Variants in LAMA1 observed in about 807,000 individuals in gnomAD.
The protein encoded by LAMA1 is laminin subunit alpha-1.
Under a neutral mutation model 348.7 loss-of-function variants are expected in LAMA1, and 219 were observed. The observed-to-expected ratio is 0.63, with a 90% CI of 0.56 to 0.70. The LOEUF (loss-of-function observed/expected upper bound fraction) is 0.70. Ranked by LOEUF, LAMA1 falls within the 30% of genes least tolerant of loss-of-function variation. The pLI is 0.00. For missense variants in LAMA1, 3,744 were observed against 3,888.0 expected, an observed-to-expected ratio of 0.96 and a Z score of 0.99; for synonymous variants, 1,487 against 1,491.0, an observed-to-expected ratio of 1.00 and a Z score of 0.06.
chr18:6,983,054 A>T, intron 40 of LAMA1, 45 bp downstream of exon 40: 1 of 1,614,012 alleles, frequency 6.2e-7, no homozygotes, highest in Non-Finnish European at 8.5e-7. Context: ...CGGTACAGAA[A>T]AATCTCCCAC....
rs76583475 is a variant in LAMA1, at chr18:7,091,689, G to T, written c.62-11232C>A. On this transcript the variant is annotated intron_variant, in intron 1 of 62. Coordinates refer to ENST00000389658, the MANE Select transcript of LAMA1 (RefSeq NM_005559.4). ...TATGTGACCTGCACAATCACTTTTC[G>T]TTTAGTGCTATGCTGAAACTGTTGA... is the stretch of plus-strand genomic sequence containing the variant. Among the ~76,000 whole-genome samples, 30 of 152,248 alleles carry T rather than the reference G, an allele frequency of 2.0e-4. No individual in the cohort carries two copies. The East Asian group carries it at 5.6e-3, about 28-fold the overall frequency.
chr18:6,969,862 G>A (rs1227819465), intron 48 of LAMA1, among the ~76,000 whole-genome samples: 11 of 152,112 alleles, frequency 7.2e-5, no homozygotes, highest in South Asian at 6.2e-4. Context: ...AAGAAGAGCC[G>A]GAAATCATTC....
intron 41 of LAMA1, 88 bp from the exon 42 acceptor site, chr18:6,980,725 A>G: frequency 4.0e-6 from 3 of 741,532 alleles, no homozygotes; most frequent in Non-Finnish European, 7.3e-6. Flanking sequence ...GACCATCGAC[A>G]GAATTCATAG....
In LAMA1 at chr18:7,019,709, T is replaced by C. The variant is rs1007184939; in HGVS notation, c.2702-2325A>G. Among the ~76,000 whole-genome samples the C allele has an allele frequency of 3.0e-5, 4 of 133,754 alleles. No individual in the cohort carries two copies. The Admixed American group carries it at 3.3e-4, about 11-fold the overall frequency. 87.7% of individuals were successfully genotyped at this position (133,754 alleles called of 152,430 possible). On this transcript the variant is annotated intron_variant, in intron 19 of 62. Coordinates refer to ENST00000389658, the MANE Select transcript of LAMA1 (RefSeq NM_005559.4). ...TTTTTTTTTTTTTTTTGAGACAGGG[T>C]CTCACTCCGTCACCCAGGCTGGAGT...
chr18:7,075,084 C>A (rs1259875301), intron 3 of LAMA1, among the ~76,000 whole-genome samples: 6 of 148,992 alleles, frequency 4.0e-5, no homozygotes. Flanking sequence ...CAGAATGCAG[C>A]TAATTTGGTC....
chr18:6,999,403 G>C, intron 32 of LAMA1, 42 bp downstream of exon 32: 2 of 1,602,728 alleles, frequency 1.2e-6, no homozygotes, highest in Non-Finnish European at 1.7e-6. Flanking sequence ...ACACATTTGG[G>C]AGGAAAAACC....
intron 6 of LAMA1, among the ~76,000 whole-genome samples, chr18:7,045,544 A>C (rs1398385320): frequency 1.3e-5 from 2 of 152,132 alleles, no homozygotes; most frequent in Non-Finnish European, 2.9e-5. Flanking sequence ...AAAAGAGATA[A>C]ACTGTTAAAT....
rs551987415 is a variant in LAMA1 at position 6,983,239 on chromosome 18, C to A, written c.5661-5G>T. ...TTTCTGATGTTTTCAAGGCCACTAT[C>A]AAAGCAGCATATTTAGATACGTTAT... On this transcript the variant is annotated splice_polypyrimidine_tract_variant and splice_region_variant and intron_variant, in intron 39 of 62. Transcript: ENST00000389658. The A allele has an allele frequency of 7.3e-5, 118 of 1,614,132 alleles. 2 individuals carry two copies. The South Asian group carries it at 1.3e-3, about 18-fold the overall frequency.
chr18:7,089,440 T>A (rs2058230967), intron 1 of LAMA1, among the ~76,000 whole-genome samples: 1 of 152,186 alleles, frequency 6.6e-6, no homozygotes, highest in South Asian at 2.1e-4. Context: ...GTGAGGTGAC[T>A]CTGCTAGTGT....
chr18:7,021,276 T>C (rs1014451315), intron 19 of LAMA1, among the ~76,000 whole-genome samples: 1 of 152,152 alleles, frequency 6.6e-6, no homozygotes, highest in African/African-American at 2.4e-5. Context: ...CGCCTTGACC[T>C]TCACAGTCCT....
At chr18:6,955,265 G>T in intron 57 of LAMA1, 88 bp downstream of exon 57, 1 of 1,016,886 alleles carries the variant, frequency 9.8e-7, no homozygotes, top group South Asian at 1.4e-5. Flanking sequence ...ATAAAAGCAG[G>T]TTCTTTTGGA....
chr18:7,056,923 G>C (rs2058084392), intron 3 of LAMA1, among the ~76,000 whole-genome samples: 1 of 151,426 alleles, frequency 6.6e-6, no homozygotes, highest in African/African-American at 2.4e-5. Context: ...CCAGACTGGA[G>C]TGCAGTGGCA....
intron 35 of LAMA1, 97 bp from the exon 36 acceptor site, chr18:6,992,817 T>A: frequency 2.9e-6 from 3 of 1,033,148 alleles, no homozygotes; most frequent in Non-Finnish European, 4.4e-6. Flanking sequence ...ACTGCTCTGT[T>A]TACCTAAGCT....
intron 57 of LAMA1, chr18:6,955,081 T>C (rs937363819): frequency 8.2e-6 from 4 of 484,850 alleles, no homozygotes; most frequent in Non-Finnish European, 1.5e-5. Context: ...TTAATTTAGA[T>C]GCCCACACGC....
intron 1 of LAMA1, among the ~76,000 whole-genome samples, chr18:7,110,737 G>A (rs1473770727): frequency 6.6e-6 from 1 of 152,096 alleles, no homozygotes; most frequent in African/African-American, 2.4e-5. Flanking sequence ...CAGGAGAATC[G>A]CTTGAACTGG....
At chr18:6,985,107 G>A (rs764116004) in intron 39 of LAMA1, 130 bp downstream of exon 39, 12 of 1,091,800 alleles carry the variant, frequency 1.1e-5, no homozygotes, top group Non-Finnish European at 1.7e-5. Flanking sequence ...CAACTTGCCA[G>A]GTAAATAAAA....
chr18:6,986,241 T>C lies in LAMA1; in HGVS notation c.5275A>G (p.Asn1759Asp). The change falls in exon 37 of 63, where the codon AAT becomes GAT. Residue 1759 changes from asparagine (N) to aspartate (D), a missense_variant. Asn to Asp is a conservative substitution (Grantham distance 23). Around this residue, in one of 3 missense-constraint regions of LAMA1, gnomAD observed 1,983 missense variants for 1,934.3 expected, o/e 1.03. Transcript: ENST00000389658. ...AASHVLSKHN[N>D]ELKAAEALVR... ...AGCGCCTCAGCCGCCTTTAGTTCAT[T>C]GTTGTGCTTTGAAAGGACGTGGCTT... 1 of 1,614,166 alleles carries C rather than the reference T, an allele frequency of 6.2e-7. No homozygotes were observed. Among genetic ancestry groups the C allele is most frequent in the South Asian group, 1.1e-5 (1 of 91,080 alleles).
At chr18:7,094,368 G>A (rs887983287) in intron 1 of LAMA1, among the ~76,000 whole-genome samples, 2 of 147,234 alleles carry the variant, frequency 1.4e-5, no homozygotes, top group African/African-American at 5.0e-5. Context: ...AGGTTGCAGT[G>A]AGCCTAGATT....
chr18:6,979,671 G>A (rs11663299), intron 42 of LAMA1, among the ~76,000 whole-genome samples: 77,929 of 151,996 alleles, frequency 0.51, 22,837 homozygotes, highest in East Asian at 0.66. Context: ...AGGCCAAGGC[G>A]GGCGGATCAC....
Sources: gnomAD v4.1 joint callset for allele counts (sites outside exome capture counted in the v4.1 genomes callset) on GRCh38, gnomAD v4.1.1 for gene constraint, gnomAD v4.1.1 regional missense constraint, MANE v1.5 for transcripts, NCBI Gene and HGNC (gene_info 2026-07-23, HGNC 2026-07-21) for gene names.